Variants in BSN observed in about 807,000 individuals in gnomAD.
BSN encodes bassoon presynaptic cytomatrix protein.
Under a neutral mutation model 264.8 loss-of-function variants are expected in BSN, and 57 were observed. The ratio of observed to expected loss-of-function variants is 0.22; its 90% confidence interval spans 0.17 to 0.27. BSN has a LOEUF of 0.27. Among genes scored for constraint, BSN ranks in the 10% least tolerant of loss-of-function variants. The pLI is 1.00. For missense variants in BSN, 4,615 were observed against 5,232.5 expected, an observed-to-expected ratio of 0.88 and a Z score of 3.64; for synonymous variants, 2,059 against 2,137.3, an observed-to-expected ratio of 0.96 and a Z score of 1.01.
chr3:49,655,719 C>G lies in BSN; in HGVS notation c.6163C>G (p.Pro2055Ala). ...TCATCCTACAGACCTTTTGGCTCACCCGCTTCCCATGCGGCGCTATAGCTC... is the reference window on the plus strand; with the variant it reads ...TCATCCTACAGACCTTTTGGCTCACGCGCTTCCCATGCGGCGCTATAGCTC... ...LRHPTDLLAH[P>A]LPMRRYSSVS... Residue 2055 changes from proline (P) to alanine (A), a missense_variant, in exon 5 of 12, where the codon CCG becomes GCG. Transcript: ENST00000296452. 1 of 1,613,522 alleles carries G rather than the reference C, an allele frequency of 6.2e-7. No homozygotes were observed. The highest frequency in any genetic ancestry group is 8.5e-7 in the Non-Finnish European group (1 of 1,180,042).
intron 1 of BSN, among the ~76,000 whole-genome samples, chr3:49,612,901 G>A (rs2052219284): frequency 1.3e-5 from 2 of 152,204 alleles, no homozygotes; most frequent in Middle Eastern, 3.2e-3. Context: ...GGGAGGCCAA[G>A]GCAGGCAGAT....
Position 49,654,944 on chromosome 3 carries a change from G to T in BSN, c.5388G>T (p.Glu1796Asp). Residue 1796 changes from glutamate to aspartate, a missense_variant, in exon 5 of 12, where the codon GAG becomes GAT. Glu to Asp is a conservative substitution (Grantham distance 45). Coordinates refer to ENST00000296452, the MANE Select transcript of BSN (RefSeq NM_003458.4). This position sits in a 1 kb window ranked among gnomAD's most constrained non-coding sequence, Gnocchi z 4.1. ...GTGGGCCCCGGGGAAGACCCAGGGA[G>T]GCCAAGTTTGCCAGATATAACCTAC... is the stretch of plus-strand genomic sequence containing the variant. ...YRSGPRGRPR[E>D]AKFARYNLPN... 1 of 1,611,820 alleles carries T rather than the reference G, an allele frequency of 6.2e-7. No homozygotes were observed. Among genetic ancestry groups the T allele is most frequent in the African/African-American group, 1.3e-5 (1 of 75,008 alleles).
intron 1 of BSN, among the ~76,000 whole-genome samples, chr3:49,559,431 A>G (rs2051697768): frequency 6.6e-6 from 1 of 152,176 alleles, no homozygotes; most frequent in African/African-American, 2.4e-5. Context: ...TTTCATCATC[A>G]GTATTTCAGT....
chr3:49,573,633 G>A (rs2051815408), intron 1 of BSN, among the ~76,000 whole-genome samples: 1 of 151,974 alleles, frequency 6.6e-6, no homozygotes, highest in African/African-American at 2.4e-5. Context: ...GAGGTAGAGA[G>A]GTAGCAGCAG....
intron 2 of BSN, chr3:49,640,807 A>G (rs1011569644): frequency 2.0e-5 from 3 of 152,208 alleles, no homozygotes; most frequent in Non-Finnish European, 4.4e-5. Context: ...GCCAAAGGAG[A>G]GCATTTTAGA....
rs2052645333 is a variant in BSN at position 49,660,581 on chromosome 3, G to T, written c.8736G>T (p.Gln2912His). 2 of 1,609,304 alleles carry T rather than the reference G, an allele frequency of 1.2e-6. No homozygotes were observed. Among genetic ancestry groups the T allele is most frequent in the South Asian group, 2.2e-5 (2 of 90,842 alleles). ...AGGCTCACCTTCCCCTGGCTGGCCA[G>T]GCCTCCCCACAGCTGTATGCAGCCA... ...PEEAHLPLAG[Q>H]ASPQLYAASL... Residue 2912 changes from glutamine (Q) to histidine (H), a missense_variant, in exon 6 of 12, where the codon CAG (glutamine) becomes CAT (histidine). Physicochemically the swap from Gln to His is conservative, Grantham distance 24. Around this residue, in one of 3 missense-constraint regions of BSN, gnomAD observed 3,415 missense variants for 3,866.4 expected, o/e 0.88. Coordinates refer to ENST00000296452, the MANE Select transcript of BSN (RefSeq NM_003458.4). The surrounding 1 kb of genome is among the most constrained non-coding windows in gnomAD (Gnocchi z 7.1).
chr3:49,568,863 G>A (rs552708358), intron 1 of BSN, among the ~76,000 whole-genome samples: 1 of 152,324 alleles, frequency 6.6e-6, no homozygotes, highest in East Asian at 1.9e-4. Flanking sequence ...GTTTTTCTCT[G>A]TGTTGCTAAG....
At chr3:49,612,139 A>ATT (rs10623266) in intron 1 of BSN, among the ~76,000 whole-genome samples, 62,844 of 148,314 alleles carry the variant, frequency 0.42, 14,573 homozygotes, top group East Asian at 0.92. Context: ...ACAAAGAATG[A>ATT]TTTTTTTTTT....
chr3:49,617,776 C>T (rs1052765173), intron 1 of BSN, among the ~76,000 whole-genome samples: 1 of 152,150 alleles, frequency 6.6e-6, no homozygotes, highest in African/African-American at 2.4e-5. Context: ...GTGTGTGGTA[C>T]AGACAGTTAT....
intron 1 of BSN, among the ~76,000 whole-genome samples, chr3:49,601,090 T>C (rs1371491445): frequency 1.3e-5 from 2 of 152,168 alleles, no homozygotes; most frequent in Non-Finnish European, 2.9e-5. Context: ...TTTTTATCCT[T>C]AGCTCCTGCG....
intron 1 of BSN, among the ~76,000 whole-genome samples, chr3:49,614,354 C>T (rs749568957): frequency 2.6e-5 from 4 of 152,156 alleles, no homozygotes; most frequent in Admixed American, 2.0e-4. Flanking sequence ...CCACCGCGCC[C>T]GGCCGACATT....
chr3:49,611,411 C>T (rs1169626089), intron 1 of BSN, among the ~76,000 whole-genome samples: 3 of 152,170 alleles, frequency 2.0e-5, no homozygotes, highest in Non-Finnish European at 4.4e-5. Flanking sequence ...TTGTATCATG[C>T]GGGGTCCTAA....
intron 1 of BSN, among the ~76,000 whole-genome samples, chr3:49,558,981 C>T (rs2051693758): frequency 6.6e-6 from 1 of 152,154 alleles, no homozygotes; most frequent in African/African-American, 2.4e-5. Flanking sequence ...GGCTGGAGTG[C>T]AGTGGCGCGA....
At chr3:49,578,908 T>C (rs1036620253) in intron 1 of BSN, among the ~76,000 whole-genome samples, 1 of 152,174 alleles carries the variant, frequency 6.6e-6, no homozygotes, top group African/African-American at 2.4e-5. Flanking sequence ...TTTGGCTTCT[T>C]TCACTTAGTG....
intron 1 of BSN, among the ~76,000 whole-genome samples, chr3:49,608,321 T>C (rs949223765): frequency 6.6e-6 from 1 of 152,154 alleles, no homozygotes; most frequent in Non-Finnish European, 1.5e-5. Flanking sequence ...TGTACATTTT[T>C]TTGCAACTAG....
At position 49,585,518 on chromosome 3, in the gene BSN, C is replaced by T. The variant is rs555011909; in HGVS notation, c.224+30692C>T. On this transcript the variant is annotated intron_variant, in intron 1 of 11. Transcript: ENST00000296452. The surrounding 1 kb of genome is among the most constrained non-coding windows in gnomAD (Gnocchi z 4.7). ...CTCCCAACTAGGCGGCCTTGCACTC[C>T]GTGTGCACTGGCCACACATCCTTGC... is the stretch of plus-strand genomic sequence containing the variant. Among the ~76,000 whole-genome samples, 6 of 152,356 alleles carry T rather than the reference C, an allele frequency of 3.9e-5. No homozygotes were observed. Among genetic ancestry groups the T allele is most frequent in the South Asian group, 2.1e-4 (1 of 4,826 alleles).
rs1238706663 is a variant in BSN, at chr3:49,653,392, C to G, written c.3836C>G (p.Ala1279Gly). 2.5e-6 allele frequency: 4 copies of G among 1,613,794 alleles called. No homozygotes were observed. The highest frequency in any genetic ancestry group is 1.3e-5 in the African/African-American group (1 of 75,016). ...RMRQASSRDLAFAEDKKKEKQ... is the reference protein window; with the variant it reads ...RMRQASSRDLGFAEDKKKEKQ... Reference sequence around the variant, plus strand: ...CGGCAGGCCTCCTCACGAGACCTGGCTTTTGCTGAGGACAAAAAGAAGGAG... The same window carrying G: ...CGGCAGGCCTCCTCACGAGACCTGGGTTTTGCTGAGGACAAAAAGAAGGAG... Residue 1279 changes from alanine (A) to glycine (G), a missense_variant, in exon 5 of 12, where the codon GCT becomes GGT. Physicochemically the swap from Ala to Gly is moderately conservative, Grantham distance 60 (BLOSUM62 0). This residue lies in a region of BSN where 3,415 missense variants were observed against 3,866.4 expected (regional missense o/e 0.88). Transcript: ENST00000296452. This position sits in a 1 kb window ranked among gnomAD's most constrained non-coding sequence, Gnocchi z 6.3.
At position 49,642,469 on chromosome 3, in the gene BSN, G is replaced by A; in HGVS notation, c.835G>A (p.Ala279Thr). 6.3e-7 allele frequency: 1 copy of A among 1,583,342 alleles called. No individual in the cohort carries two copies. The highest frequency in any genetic ancestry group is 1.4e-5 in the African/African-American group (1 of 73,958). ...PGGPQPGSRQAETARATSVPG... is the reference protein window; with the variant it reads ...PGGPQPGSRQTETARATSVPG... Reference sequence around the variant, plus strand: ...AGGACCACAGCCTGGGTCCCGCCAGGCTGAGACAGCCAGGGCCACCTCAGT... The same window carrying A: ...AGGACCACAGCCTGGGTCCCGCCAGACTGAGACAGCCAGGGCCACCTCAGT... The change falls in exon 3 of 12, where the codon GCT becomes ACT. Residue 279 changes from alanine (A) to threonine (T), a missense_variant. By Grantham distance (58) the Ala-to-Thr change is moderately conservative (BLOSUM62 0). Transcript: ENST00000296452. This position sits in a 1 kb window ranked among gnomAD's most constrained non-coding sequence, Gnocchi z 7.0.
intron 1 of BSN, among the ~76,000 whole-genome samples, chr3:49,618,088 C>G (rs2052275671): frequency 6.6e-6 from 1 of 152,090 alleles, no homozygotes; most frequent in African/African-American, 2.4e-5. Context: ...CTTTGGTCCT[C>G]CCCACAAAGC....
Sources: gnomAD v4.1 joint callset for allele counts (sites outside exome capture counted in the v4.1 genomes callset) on GRCh38, gnomAD v4.1.1 for gene constraint, gnomAD v4.1.1 regional missense constraint, Gnocchi (gnomAD v3.1) non-coding constraint, MANE v1.5 for transcripts, NCBI Gene and HGNC (gene_info 2026-07-23, HGNC 2026-07-21) for gene names.